RERE: variants seen among roughly 807,000 people sequenced by gnomAD.
The protein encoded by RERE is arginine-glutamic acid dipeptide repeats protein.
Under a neutral mutation model 146.1 loss-of-function variants are expected in RERE, and 40 were observed. The ratio of observed to expected loss-of-function variants is 0.27; its 90% CI spans 0.21 to 0.36. RERE has a LOEUF of 0.36. Ranked by LOEUF, RERE falls within the 10% of genes least tolerant of loss-of-function variation. The pLI, the probability that RERE is intolerant of heterozygous loss-of-function variation, is 1.00. For missense variants in RERE, 1,933 were observed against 2,138.7 expected (o/e 0.90, Z 1.90); for synonymous variants, 1,003 against 866.0 (o/e 1.16, Z -2.78).
chr1:8,408,340 C>T (rs189948594), intron 12 of RERE, among the ~76,000 whole-genome samples: 6 of 152,068 alleles, frequency 3.9e-5, no homozygotes, highest in African/African-American at 1.2e-4. Flanking sequence ...GCCAAGAGCC[C>T]GGAATTTTCA....
At chr1:8,607,963 T>A (rs969470940) in intron 4 of RERE, among the ~76,000 whole-genome samples, 2 of 152,174 alleles carry the variant, frequency 1.3e-5, no homozygotes, top group Non-Finnish European at 2.9e-5. Flanking sequence ...TGACTTCAAG[T>A]GATCCACCCA....
Position 8,789,301 on chromosome 1 carries a change from A to AAAAAAAAAAAAAAT in RERE, c.-145+27858_-145+27859insATTTTTTTTTTTTT. ...CTCTACCAAAAAAAAAAAAAAAAAA[A>AAAAAAAAAAAAAAT]ATATATATATATATATATATATATG... On this transcript the variant is annotated intron_variant, in intron 1 of 22. Coordinates refer to ENST00000400908, the MANE Select transcript of RERE (RefSeq NM_001042681.2). Among the ~76,000 whole-genome samples the AAAAAAAAAAAAAAT allele has an allele frequency of 1.0e-3, 26 of 24,810 alleles. 1 individual carries two copies. The highest frequency in any genetic ancestry group is 1.6e-3 in the African/African-American group (7 of 4,324). The allele number at this position is 24,810 out of a possible 152,430, so 16.3% of individuals were successfully genotyped here.
intron 12 of RERE, among the ~76,000 whole-genome samples, chr1:8,370,586 A>G (rs1043907375): frequency 1.3e-5 from 2 of 152,218 alleles, no homozygotes; most frequent in African/African-American, 4.8e-5. Flanking sequence ...TATGCCTATC[A>G]AGGGATTCAA....
rs1035358987 is a variant in RERE at position 8,469,654 on chromosome 1, A to C, written c.1105-3631T>G. ...ATAATAATAGTAATAAGAAAAATAAAATCTTATGTGCCTGCTACCAGGAAA... is the reference window on the plus strand; with the variant it reads ...ATAATAATAGTAATAAGAAAAATAACATCTTATGTGCCTGCTACCAGGAAA... On this transcript the variant is annotated intron_variant, in intron 10 of 22. Transcript: ENST00000400908. Among the ~76,000 whole-genome samples, 5 of 152,232 alleles carry C rather than the reference A, an allele frequency of 3.3e-5. No homozygotes were observed. In the South Asian group the frequency reaches 1.0e-3, roughly 32 times the overall value.
At chr1:8,734,226 T>G (rs1640149824) in intron 1 of RERE, among the ~76,000 whole-genome samples, 1 of 152,186 alleles carries the variant, frequency 6.6e-6, no homozygotes, top group South Asian at 2.1e-4. Context: ...CATTACAAGG[T>G]GAAGATCAAT....
At chr1:8,630,045 G>A (rs1260280824) in intron 2 of RERE, among the ~76,000 whole-genome samples, 1 of 152,126 alleles carries the variant, frequency 6.6e-6, no homozygotes, top group Non-Finnish European at 1.5e-5. Flanking sequence ...CACCCTCAAT[G>A]CTTGGAGGTA....
chr1:8,354,219 T>C lies in RERE; in HGVS notation c.*868A>G, dbSNP rs1641203897. 6.6e-6 allele frequency: 1 copy of C among 152,208 alleles called. No individual in the cohort carries two copies. Among genetic ancestry groups the C allele is most frequent in the Admixed American group, 6.5e-5 (1 of 15,270 alleles). 9.4% of individuals were successfully genotyped at this position (152,208 alleles called of 1,614,324 possible). A position where few individuals can be genotyped will look rare whatever the true frequency, so the allele number is the denominator to read the frequency against. Reference sequence around the variant, plus strand: ...CACTCCCTGTGCAAAATGGAAGAGGTCTGATGGAGCAGATGTCTGTGCTGC... The same window carrying C: ...CACTCCCTGTGCAAAATGGAAGAGGCCTGATGGAGCAGATGTCTGTGCTGC... On this transcript the variant is annotated 3_prime_UTR_variant, in exon 23 of 23. Transcript: ENST00000400908.
intron 1 of RERE, among the ~76,000 whole-genome samples, chr1:8,696,731 G>A (rs1318296378): frequency 1.3e-5 from 2 of 150,442 alleles, no homozygotes; most frequent in African/African-American, 2.5e-5. Flanking sequence ...CCAACACGGT[G>A]AAACCCCATC....
chr1:8,545,492 T>C (rs1374508343), intron 6 of RERE, among the ~76,000 whole-genome samples: 1 of 151,950 alleles, frequency 6.6e-6, no homozygotes, highest in Non-Finnish European at 1.5e-5. Context: ...TCTCTTAAAA[T>C]TACCAATAAC....
chr1:8,612,875 T>C (rs1646809035), intron 4 of RERE, among the ~76,000 whole-genome samples: 3 of 152,218 alleles, frequency 2.0e-5, no homozygotes, highest in African/African-American at 7.2e-5. Flanking sequence ...GAATTAAAAT[T>C]AGACTTTTAT....
chr1:8,398,859 T>C (rs564454595), intron 12 of RERE, among the ~76,000 whole-genome samples: 27 of 152,326 alleles, frequency 1.8e-4, no homozygotes, highest in African/African-American at 6.0e-4. Flanking sequence ...AACAGGTGCA[T>C]CAATGTGCGC....
intron 12 of RERE, among the ~76,000 whole-genome samples, chr1:8,373,284 T>C (rs1310264331): frequency 6.6e-6 from 1 of 152,150 alleles, no homozygotes; most frequent in Non-Finnish European, 1.5e-5. Context: ...TAACTCTCGG[T>C]GCTAATGTGC....
chr1:8,467,706 G>C lies in RERE; in HGVS notation c.1105-1683C>G, dbSNP rs550056992. Among the ~76,000 whole-genome samples the C allele has an allele frequency of 7.3e-4, 111 of 151,918 alleles. 1 individual carries two copies. The highest frequency in any genetic ancestry group is 2.2e-3 in the Admixed American group (34 of 15,278). On this transcript the variant is annotated intron_variant, in intron 10 of 22. Transcript: ENST00000400908. ...GTTGCCCAGGCTGGAGTGCAGTGGC[G>C]CGATCACGGCTCACTGCAAACTCTG...
intron 12 of RERE, among the ~76,000 whole-genome samples, chr1:8,366,625 C>A (rs184159008): frequency 1.1e-3 from 169 of 152,248 alleles, no homozygotes; most frequent in Non-Finnish European, 1.9e-3. Context: ...CGTCCAGAGG[C>A]AAGGACTGGG....
intron 10 of RERE, among the ~76,000 whole-genome samples, chr1:8,480,722 C>T (rs1644823881): frequency 6.6e-6 from 1 of 152,176 alleles, no homozygotes; most frequent in Admixed American, 6.5e-5. Context: ...AGGCACGAGC[C>T]ACCGCATCCG....
chr1:8,633,369 G>T (rs1298586549), intron 2 of RERE, among the ~76,000 whole-genome samples: 1 of 147,568 alleles, frequency 6.8e-6, no homozygotes, highest in Non-Finnish European at 1.5e-5. Flanking sequence ...GCTGCAGTGA[G>T]CTATAATAGC....
At chr1:8,726,928 C>T (rs904952902) in intron 1 of RERE, among the ~76,000 whole-genome samples, 1 of 151,998 alleles carries the variant, frequency 6.6e-6, no homozygotes, top group African/African-American at 2.4e-5. Flanking sequence ...ACCTCAGCCT[C>T]CAGAGTAGCT....
intron 1 of RERE, among the ~76,000 whole-genome samples, chr1:8,715,329 T>C (rs1464262288): frequency 2.0e-5 from 3 of 151,066 alleles, no homozygotes; most frequent in Non-Finnish European, 4.4e-5. Flanking sequence ...CTGACCAACA[T>C]GGTGAAACCC....
chr1:8,642,791 C>T (rs1024566063), intron 2 of RERE, among the ~76,000 whole-genome samples: 2 of 152,126 alleles, frequency 1.3e-5, no homozygotes, highest in Non-Finnish European at 2.9e-5. Flanking sequence ...ATATAAATAT[C>T]AATCTTAAGG....
Sources: allele counts gnomAD v4.1 joint callset (sites outside exome capture counted in the v4.1 genomes callset), GRCh38; gene constraint gnomAD v4.1.1; transcripts MANE v1.5; gene names NCBI Gene and HGNC (gene_info 2026-07-23, HGNC 2026-07-21).